The following CHRM3 variants were observed in gnomAD, a reference collection of about 807,000 sequenced individuals.
CHRM3 encodes the protein cholinergic receptor muscarinic 3.
Under a neutral mutation model 41.8 loss-of-function variants are expected in CHRM3, and 11 were observed. That is an observed-to-expected ratio of 0.26 (90% CI 0.17 to 0.44). The LOEUF (loss-of-function observed/expected upper bound fraction) is 0.44, where lower values mean the gene tolerates loss of function less well. Among genes scored for constraint, CHRM3 ranks in the 20% least tolerant of loss-of-function variants. The pLI is 1.00. For synonymous variants in CHRM3, 297 were observed against 301.4 expected, an observed-to-expected ratio of 0.99 and a Z score of 0.15; for missense variants, 571 against 745.4, an observed-to-expected ratio of 0.77 and a Z score of 2.72.
chr1:239,586,771 C>A (rs1324338842), intron 3 of CHRM3, among the ~76,000 whole-genome samples: 1 of 152,124 alleles, frequency 6.6e-6, no homozygotes, highest in African/African-American at 2.4e-5. Context: ...TTATTTCCTG[C>A]ACTTTATGTG....
intron 6 of CHRM3, among the ~76,000 whole-genome samples, chr1:239,828,974 C>T (rs1672686417): frequency 6.6e-6 from 1 of 152,202 alleles, no homozygotes; most frequent in Non-Finnish European, 1.5e-5. Flanking sequence ...GCATGGGATG[C>T]ACACTATGAG....
At position 239,404,454 on chromosome 1, in the gene CHRM3, GAA is replaced by G. The variant is rs1247114454; in HGVS notation, c.-521+17229_-521+17230del. Among the ~76,000 whole-genome samples the G allele has an allele frequency of 2.3e-3, 316 of 136,920 alleles. 19 individuals are homozygous for G. Among genetic ancestry groups the G allele is most frequent in the Admixed American group, 4.4e-3 (59 of 13,544 alleles). 89.8% of individuals were successfully genotyped at this position (136,920 alleles called of 152,430 possible). A position where few individuals can be genotyped will look rare whatever the true frequency, so the allele number is the denominator to read the frequency against. ...AGAAAGAAAGAAAGAAAGAAAGAAA[GAA>G]AGAAAGAAAGAAAAAGAAAGAAAGA... On this transcript the variant is annotated intron_variant, in intron 1 of 6. Transcript: ENST00000676153.
At chr1:239,465,888 C>G (rs184433549) in intron 1 of CHRM3, among the ~76,000 whole-genome samples, 2 of 152,070 alleles carry the variant, frequency 1.3e-5, no homozygotes, top group African/African-American at 4.8e-5. Flanking sequence ...CCCTGCTATC[C>G]GAAGACAGCA....
chr1:239,761,670 A>C (rs1374715511), intron 5 of CHRM3, among the ~76,000 whole-genome samples: 1 of 152,142 alleles, frequency 6.6e-6, no homozygotes, highest in East Asian at 1.9e-4. Flanking sequence ...CTCATGCGCT[A>C]GGGGGCCTTT....
chr1:239,801,988 C>T (rs917556364), intron 5 of CHRM3, among the ~76,000 whole-genome samples: 1 of 152,150 alleles, frequency 6.6e-6, no homozygotes, highest in African/African-American at 2.4e-5. Flanking sequence ...TCAGGATTAG[C>T]GACAGTCCCA....
chr1:239,522,784 T>G (rs1669741946), intron 2 of CHRM3, among the ~76,000 whole-genome samples: 1 of 152,236 alleles, frequency 6.6e-6, no homozygotes, highest in Non-Finnish European at 1.5e-5. Flanking sequence ...GAACTCTTAA[T>G]GTTTGTAAAC....
In CHRM3 at chr1:239,909,362, T is replaced by A; in HGVS notation, c.*138T>A. 1 of 800,364 alleles carries A rather than the reference T, an allele frequency of 1.2e-6. No homozygotes were observed. Among genetic ancestry groups the A allele is most frequent in the Non-Finnish European group, 1.9e-6 (1 of 516,294 alleles). 49.6% of individuals were successfully genotyped at this position (800,364 alleles called of 1,614,324 possible). ...CCAGATGTGAAAGAAGCTGCCTGTT[T>A]ACTGATCCATTGAATAAACCCATTT... On this transcript the variant is annotated 3_prime_UTR_variant, in exon 7 of 7. Transcript: ENST00000676153.
Position 239,909,157 on chromosome 1 carries a change from G to T in CHRM3, c.1706G>T (p.Arg569Leu). 1 of 1,614,024 alleles carries T rather than the reference G, an allele frequency of 6.2e-7. No individual in the cohort carries two copies. Among genetic ancestry groups the T allele is most frequent in the Non-Finnish European group, 8.5e-7 (1 of 1,180,032 alleles). The change falls in exon 7 of 7, where the codon CGC becomes CTC. Residue 569 changes from arginine to leucine, a missense_variant. Physicochemically the swap from Arg to Leu is moderately radical, Grantham distance 102 (BLOSUM62 -2). Coordinates refer to ENST00000676153, the MANE Select transcript of CHRM3 (RefSeq NM_001375978.1). ...TGCCAGTGTGACAAAAAAAAGAGGC[G>T]CAAGCAGCAGTACCAGCAGAGACAG... is the stretch of plus-strand genomic sequence containing the variant. ...LLCQCDKKKR[R>L]KQQYQQRQSV...
chr1:239,716,374 G>A (rs1422669762), intron 5 of CHRM3, among the ~76,000 whole-genome samples: 1 of 152,076 alleles, frequency 6.6e-6, no homozygotes, highest in Admixed American at 6.6e-5. Flanking sequence ...GATTGTGACT[G>A]GCTGAAGCAG....
At chr1:239,611,416 C>T (rs1237826750) in intron 3 of CHRM3, among the ~76,000 whole-genome samples, 11 of 96,228 alleles carry the variant, frequency 1.1e-4, no homozygotes, top group East Asian at 3.7e-4. Context: ...TTGCAAGTGA[C>T]TTTTTTTTTT....
In CHRM3 at chr1:239,634,178, C is replaced by T. The variant is rs16838581; in HGVS notation, c.-250+1892C>T. Among the ~76,000 whole-genome samples the T allele has an allele frequency of 2.2e-3, 333 of 152,240 alleles. 2 individuals are homozygous for T. Among genetic ancestry groups the T allele is most frequent in the African/African-American group, 7.7e-3 (318 of 41,546 alleles). ...GACAGCCTGGTTCCAGGAGCCTGTG[C>T]TATTGCTGATTACATTTTATAGTTA... On this transcript the variant is annotated intron_variant, in intron 4 of 6. Transcript: ENST00000676153.
intron 5 of CHRM3, among the ~76,000 whole-genome samples, chr1:239,754,735 C>CT (rs1318713602): frequency 2.6e-5 from 4 of 152,162 alleles, no homozygotes; most frequent in Non-Finnish European, 5.9e-5. Flanking sequence ...TCTGTGGGGA[C>CT]TAGTGCTGTG....
intron 4 of CHRM3, among the ~76,000 whole-genome samples, chr1:239,650,117 G>A (rs1672105267): frequency 6.6e-6 from 1 of 152,140 alleles, no homozygotes; most frequent in African/African-American, 2.4e-5. Context: ...AAGAGCCCAG[G>A]CTCTGGAGTT....
intron 1 of CHRM3, among the ~76,000 whole-genome samples, chr1:239,390,550 C>G (rs926217102): frequency 1.3e-5 from 2 of 151,944 alleles, no homozygotes; most frequent in East Asian, 3.9e-4. Context: ...ATTGCTCCCT[C>G]TGCCCACCCT....
At position 239,639,618 on chromosome 1, in the gene CHRM3, C is replaced by T. The variant is rs577825521; in HGVS notation, c.-250+7332C>T. On this transcript the variant is annotated intron_variant, in intron 4 of 6. Coordinates refer to ENST00000676153, the MANE Select transcript of CHRM3 (RefSeq NM_001375978.1). The stretch of plus-strand genomic sequence containing the variant: ...TGATTTTTGTACATTGATTTTGTAT[C>T]CTGAGACTTTGCTGAAGTTGCTTAT... Among the ~76,000 whole-genome samples, 351 of 151,372 alleles carry T rather than the reference C, an allele frequency of 2.3e-3. 1 individual carries two copies. The highest frequency in any genetic ancestry group is 8.2e-3 in the African/African-American group (338 of 41,256).
At chr1:239,633,007 C>T (rs1670024781) in intron 4 of CHRM3, among the ~76,000 whole-genome samples, 1 of 152,230 alleles carries the variant, frequency 6.6e-6, no homozygotes, top group Non-Finnish European at 1.5e-5. Context: ...GAGTCTCGCT[C>T]TGTCACCCAG....
At chr1:239,646,474 G>A (rs541770915) in intron 4 of CHRM3, among the ~76,000 whole-genome samples, 5 of 152,240 alleles carry the variant, frequency 3.3e-5, no homozygotes, top group South Asian at 4.1e-4. Context: ...GCACATATAC[G>A]CACTGTTGGA....
intron 5 of CHRM3, among the ~76,000 whole-genome samples, chr1:239,681,217 A>G (rs913345044): frequency 6.6e-6 from 1 of 152,166 alleles, no homozygotes; most frequent in Non-Finnish European, 1.5e-5. Context: ...GCCAAACCAT[A>G]TCACCATTGT....
At chr1:239,587,768 T>A (rs997731584) in intron 3 of CHRM3, among the ~76,000 whole-genome samples, 2 of 152,188 alleles carry the variant, frequency 1.3e-5, no homozygotes, top group Non-Finnish European at 2.9e-5. Flanking sequence ...AAAAGTGTAG[T>A]CTGGCCAAGA....
Sources: allele counts gnomAD v4.1 joint callset (sites outside exome capture counted in the v4.1 genomes callset), GRCh38; gene constraint gnomAD v4.1.1; transcripts MANE v1.5; gene names NCBI Gene and HGNC (gene_info 2026-07-23, HGNC 2026-07-21).